EIF3M: variants seen among roughly 807,000 people sequenced by gnomAD.
EIF3M encodes the protein eukaryotic translation initiation factor 3 subunit M.
EIF3M carries 25 observed loss-of-function variants against 49.7 expected under a neutral mutation model. The ratio of observed to expected loss-of-function variants is 0.50; its 90% CI spans 0.37 to 0.70. The LOEUF (loss-of-function observed/expected upper bound fraction) is 0.70, where lower values mean the gene tolerates loss of function less well. Ranked by LOEUF, EIF3M falls within the 30% of genes least tolerant of loss-of-function variation. The probability of loss-of-function intolerance (pLI) is 0.00; values close to 1 mark genes in which losing one functional copy is unlikely to be tolerated. For missense variants in EIF3M, 350 were observed against 440.0 expected (o/e 0.80, Z 1.83); for synonymous variants, 156 against 149.8 (o/e 1.04, Z -0.30).
At chr11:32,594,741 C>A in intron 6 of EIF3M, 173 bp from the exon 7 acceptor site, 1 of 453,208 alleles carries the variant, frequency 2.2e-6, no homozygotes, top group East Asian at 3.4e-5. Flanking sequence ...ACAGATGAAC[C>A]TGATAAATGT....
chr11:32,585,454 CTT>C lies in EIF3M; in HGVS notation c.42+1527_42+1528del, dbSNP rs1854980667. Among the ~76,000 whole-genome samples, 6 of 152,296 alleles carry C rather than the reference CTT, an allele frequency of 3.9e-5. No individual in the cohort carries two copies. In the South Asian group the frequency reaches 6.2e-4, roughly 16 times the overall value. On this transcript the variant is annotated intron_variant, in intron 1 of 10. Transcript: ENST00000531120. ...ATGAAATTGCTCAGGATTAGTTTAA[CTT>C]TGGTGAAATTCTCAGCTTGATTAGA...
chr11:32,598,066 C>T (rs770515069), intron 8 of EIF3M, among the ~76,000 whole-genome samples: 7 of 152,156 alleles, frequency 4.6e-5, no homozygotes, highest in Non-Finnish European at 1.0e-4. Context: ...ACCCAGAAAA[C>T]CACATTCTGT....
At chr11:32,584,171 C>G (rs1590507680) in intron 1 of EIF3M, 1 of 579,764 alleles carries the variant, frequency 1.7e-6, no homozygotes, top group Non-Finnish European at 3.1e-6. Context: ...GGCGTCGGGA[C>G]TCATTTCTGA....
Position 32,589,144 on chromosome 11 carries a change from C to A in EIF3M, c.438+9C>A. ...CAACTGAGCTGGATCAAGTGAGTTA[C>A]TGTGTGGAATAGTTGTTCTGCTTAT... is the stretch of plus-strand genomic sequence containing the variant. On this transcript the variant is annotated intron_variant, in intron 4 of 10. Coordinates refer to ENST00000531120, the MANE Select transcript of EIF3M (RefSeq NM_006360.6). 1 of 1,611,620 alleles carries A rather than the reference C, an allele frequency of 6.2e-7. No homozygotes were observed. The highest frequency in any genetic ancestry group is 8.5e-7 in the Non-Finnish European group (1 of 1,179,642).
intron 1 of EIF3M, among the ~76,000 whole-genome samples, chr11:32,586,457 G>T (rs1854999351): frequency 6.6e-6 from 1 of 152,120 alleles, no homozygotes; most frequent in South Asian, 2.1e-4. Flanking sequence ...GATCCAGTTC[G>T]ATGTAATTTT....
At chr11:32,590,982 C>A (rs1487941014) in intron 5 of EIF3M, among the ~76,000 whole-genome samples, 2 of 152,122 alleles carry the variant, frequency 1.3e-5, no homozygotes, top group Admixed American at 1.3e-4. Context: ...TCCTGAGCAG[C>A]TGGGACCACA....
Position 32,602,884 on chromosome 11 carries a change from CT to C in EIF3M, c.*487del. ...CTTTGGCTGGTTGTCATTTTCTAAA[CT>C]TAGTAAATTTTCACTTTTATTTAGT... On this transcript the variant is annotated 3_prime_UTR_variant, in exon 11 of 11. Coordinates refer to ENST00000531120, the MANE Select transcript of EIF3M (RefSeq NM_006360.6). 6.2e-7 allele frequency: 1 copy of C among 1,611,716 alleles called. No individual in the cohort carries two copies. Among genetic ancestry groups the C allele is most frequent in the Non-Finnish European group, 8.5e-7 (1 of 1,179,078 alleles).
At chr11:32,591,095 C>T (rs544285229) in intron 5 of EIF3M, among the ~76,000 whole-genome samples, 9 of 152,272 alleles carry the variant, frequency 5.9e-5, no homozygotes, top group East Asian at 1.9e-4. Flanking sequence ...GTGATCCTCC[C>T]GCCTCCGCCT....
Position 32,593,958 on chromosome 11 carries a change from A to T in EIF3M, c.617+9A>T. 1 of 1,515,610 alleles carries T rather than the reference A, an allele frequency of 6.6e-7. No homozygotes were observed. Among genetic ancestry groups the T allele is most frequent in the Non-Finnish European group, 8.9e-7 (1 of 1,129,606 alleles). The allele number at this position is 1,515,610 out of a possible 1,614,324, so 93.9% of individuals were successfully genotyped here. A position where few individuals can be genotyped will look rare whatever the true frequency, so the allele number is the denominator to read the frequency against. On this transcript the variant is annotated intron_variant, in intron 6 of 10. Coordinates refer to ENST00000531120, the MANE Select transcript of EIF3M (RefSeq NM_006360.6). ...CGAGTTGATGCCCACAGGTAATGTT[A>T]AACGTTACTCTGATGAGGGTTTGAC...
chr11:32,592,999 A>G (rs1855126768), intron 5 of EIF3M, among the ~76,000 whole-genome samples: 1 of 152,276 alleles, frequency 6.6e-6, no homozygotes. Flanking sequence ...CCACTTAGCC[A>G]TGCCTACAGT....
rs754612117 is a variant in EIF3M, at chr11:32,601,753, T to A, written c.944-9T>A. 3 of 1,611,012 alleles carry A rather than the reference T, an allele frequency of 1.9e-6. No individual in the cohort carries two copies. Among genetic ancestry groups the A allele is most frequent in the Non-Finnish European group, 2.5e-6 (3 of 1,178,466 alleles). The stretch of plus-strand genomic sequence containing the variant: ...CATATAACATACGATATAAAACATC[T>A]TTTTTCAGCCGTAAGAACTAAAATG... On this transcript the variant is annotated splice_polypyrimidine_tract_variant and intron_variant, in intron 9 of 10. Transcript: ENST00000531120.
At chr11:32,586,814 G>A in intron 1 of EIF3M, 198 bp from the exon 2 acceptor site, 2 of 524,628 alleles carry the variant, frequency 3.8e-6, no homozygotes, top group Non-Finnish European at 6.4e-6. Context: ...TGTCTAAGGA[G>A]CCACTGGACC....
intron 8 of EIF3M, among the ~76,000 whole-genome samples, chr11:32,599,663 C>T (rs1037452988): frequency 6.6e-6 from 1 of 151,842 alleles, no homozygotes; most frequent in Non-Finnish European, 1.5e-5. Flanking sequence ...GTTTTAGAAA[C>T]TTAGTTTTAT....
intron 5 of EIF3M, among the ~76,000 whole-genome samples, chr11:32,591,085 G>A (rs1215376143): frequency 6.6e-6 from 1 of 152,152 alleles, no homozygotes; most frequent in South Asian, 2.1e-4. Context: ...TCCTGACCCT[G>A]TGATCCTCCC....
intron 5 of EIF3M, chr11:32,592,873 G>A (rs1855124753): frequency 3.4e-6 from 1 of 292,510 alleles, no homozygotes; most frequent in African/African-American, 2.3e-5. Flanking sequence ...AGGTGCAATT[G>A]TAGTGCATTA....
intron 8 of EIF3M, among the ~76,000 whole-genome samples, chr11:32,598,932 A>G (rs1394843374): frequency 1.3e-5 from 2 of 152,072 alleles, no homozygotes; most frequent in African/African-American, 2.4e-5. Context: ...AAATTCCTTC[A>G]TTTGCCTTAC....
At chr11:32,592,266 AC>A (rs1360079801) in intron 5 of EIF3M, 1 of 454,266 alleles carries the variant, frequency 2.2e-6, no homozygotes, top group Non-Finnish European at 4.2e-6. Flanking sequence ...CACTTCACTA[AC>A]GCCTGTTAAT....
chr11:32,604,835 G>A lies in EIF3M; in HGVS notation c.*2436G>A, dbSNP rs954090769. ...AGTAACATTGTCATTTTCAGTGTTAGATTATGTAGTACTAAGTTTATTTTA... is the reference window on the plus strand; with the variant it reads ...AGTAACATTGTCATTTTCAGTGTTAAATTATGTAGTACTAAGTTTATTTTA... On this transcript the variant is annotated 3_prime_UTR_variant, in exon 11 of 11. Transcript: ENST00000531120. 1 of 152,090 alleles carries A rather than the reference G, an allele frequency of 6.6e-6. No individual in the cohort carries two copies. The highest frequency in any genetic ancestry group is 1.5e-5 in the Non-Finnish European group (1 of 68,024). The allele number at this position is 152,090 out of a possible 1,614,324, so 9.4% of individuals were successfully genotyped here. A position where few individuals can be genotyped will look rare whatever the true frequency, so the allele number is the denominator to read the frequency against.
In EIF3M at chr11:32,586,877, G is replaced by A. The variant is rs769469143; in HGVS notation, c.43-135G>A. The A allele has an allele frequency of 1.3e-5, 16 of 1,221,124 alleles. No homozygotes were observed. In the African/African-American group the frequency reaches 1.5e-4, roughly 12 times the overall value. The allele number at this position is 1,221,124 out of a possible 1,614,324, so 75.6% of individuals were successfully genotyped here. On this transcript the variant is annotated intron_variant, in intron 1 of 10. Transcript: ENST00000531120. ...GGGATTGCCAAGATGGATGAGGTGAGGGAGGGGTCTTCAACATTATTTGAA... is the reference window on the plus strand; with the variant it reads ...GGGATTGCCAAGATGGATGAGGTGAAGGAGGGGTCTTCAACATTATTTGAA...
Sources: allele counts gnomAD v4.1 joint callset (sites outside exome capture counted in the v4.1 genomes callset), GRCh38; gene constraint gnomAD v4.1.1; transcripts MANE v1.5; gene names NCBI Gene and HGNC (gene_info 2026-07-23, HGNC 2026-07-21).